Variants in TAF8 observed in about 807,000 individuals in gnomAD.
TAF8 encodes the protein TATA-box binding protein associated factor 8, also known as transcription initiation factor TFIID subunit 8.
Under a neutral mutation model 36.5 loss-of-function variants are expected in TAF8, and 47 were observed. The observed-to-expected ratio is 1.29, with a 90% CI of 1.02 to 1.64. TAF8 has a LOEUF of 1.64. Among genes scored for constraint, TAF8 ranks in the 40% most tolerant of loss-of-function variants. The pLI is 0.00. For missense variants in TAF8, 420 were observed against 407.6 expected (o/e 1.03, Z -0.26); for synonymous variants, 175 against 159.5 (o/e 1.10, Z -0.73).
chr6:42,062,529 CTT>C (rs1174119617), intron 5 of TAF8, among the ~76,000 whole-genome samples: 5 of 78,718 alleles, frequency 6.4e-5, no homozygotes, highest in East Asian at 4.4e-4. Flanking sequence ...TTAAGACAAT[CTT>C]TTTTTTTTTT....
At chr6:42,070,834 CGA>C (rs2127460825) in intron 7 of TAF8, among the ~76,000 whole-genome samples, 1 of 152,150 alleles carries the variant, frequency 6.6e-6, no homozygotes, top group African/African-American at 2.4e-5. Context: ...ATTTGGTAGA[CGA>C]GAGGGGATGG....
chr6:42,086,127 A>G (rs1766021241), downstream of TAF8, among the ~76,000 whole-genome samples: 2 of 152,216 alleles, frequency 1.3e-5, no homozygotes, highest in South Asian at 2.1e-4. Flanking sequence ...TCTGTTGTTC[A>G]TAAGCCACCC....
chr6:42,056,206 G>T, intron 4 of TAF8, 192 bp downstream of exon 4: 1 of 528,768 alleles, frequency 1.9e-6, no homozygotes, highest in East Asian at 3.4e-5. Context: ...GTCACCAAAA[G>T]GTAAACCATC....
At chr6:42,066,275 C>T (rs76136633) in intron 5 of TAF8, 37 bp from the exon 6 acceptor site, 105 of 1,608,782 alleles carry the variant, frequency 6.5e-5, no homozygotes, top group Middle Eastern at 1.7e-4. Flanking sequence ...AATGATACTT[C>T]GGCATCACCC....
chr6:42,067,136 A>G (rs1340661367), intron 6 of TAF8, among the ~76,000 whole-genome samples: 3 of 152,218 alleles, frequency 2.0e-5, no homozygotes, highest in Non-Finnish European at 4.4e-5. Context: ...CACTTCCTCA[A>G]GGAACATGGC....
At position 42,079,210 on chromosome 6, in the gene TAF8, T is replaced by G. The variant is rs188460337; in HGVS notation, c.*1665T>G. ...TTGAGGGCTGGGCCTCATCTTGTAT[T>G]CTGAAAGCTGAGAAACGGCTGGTCA... On this transcript the variant is annotated 3_prime_UTR_variant, in exon 9 of 9. Coordinates refer to ENST00000372977, the MANE Select transcript of TAF8 (RefSeq NM_138572.3). The G allele has an allele frequency of 1.8e-4, 175 of 985,510 alleles. 2 individuals are homozygous for G. In the African/African-American group the frequency reaches 2.9e-3, roughly 17 times the overall value. The allele number at this position is 985,510 out of a possible 1,614,324, so 61.0% of individuals were successfully genotyped here.
At chr6:42,064,154 A>G (rs1380786452) in intron 5 of TAF8, among the ~76,000 whole-genome samples, 5 of 152,296 alleles carry the variant, frequency 3.3e-5, no homozygotes, top group East Asian at 1.9e-4. Flanking sequence ...ATTGAGTGCC[A>G]AAAGTTGTCT....
At chr6:42,066,267 T>C (rs1182886085) in intron 5 of TAF8, 45 bp from the exon 6 acceptor site, 1 of 1,607,018 alleles carries the variant, frequency 6.2e-7, no homozygotes, top group Non-Finnish European at 8.5e-7. Context: ...GAAAGCAGAA[T>C]GATACTTCGG....
Position 42,051,395 on chromosome 6 carries a change from C to G in TAF8, c.84C>G (p.Asn28Lys). The G allele has an allele frequency of 1.2e-6, 2 of 1,614,166 alleles. No homozygotes were observed. Among genetic ancestry groups the G allele is most frequent in the African/African-American group, 1.3e-5 (1 of 75,044 alleles). The change falls in exon 2 of 9, where the codon AAC (asparagine) becomes AAG (lysine). Residue 28 changes from asparagine to lysine, a missense_variant. Asn to Lys is a moderately conservative substitution (Grantham distance 94). Transcript: ENST00000372977. Reference sequence around the variant, plus strand: ...AACAGTCCACTAACCCTGCCGATAACTATCATCTGGCCCGGAGGAGAACCC... The same window carrying G: ...AACAGTCCACTAACCCTGCCGATAAGTATCATCTGGCCCGGAGGAGAACCC... ...GSKQSTNPAD[N>K]YHLARRRTLQ... is the part of the protein sequence containing the mutation.
chr6:42,077,715 C>G lies in TAF8; in HGVS notation c.*170C>G. On this transcript the variant is annotated 3_prime_UTR_variant, in exon 9 of 9. Transcript: ENST00000372977. ...GTCTTATTAAGATGACCTATTTTCA[C>G]TGGATGTTTGGGTTGAGGAAGATAT... 1.4e-6 allele frequency: 2 copies of G among 1,466,604 alleles called. No individual in the cohort carries two copies. The highest frequency in any genetic ancestry group is 1.8e-6 in the Non-Finnish European group (2 of 1,113,140). The allele number at this position is 1,466,604 out of a possible 1,614,324, so 90.8% of individuals were successfully genotyped here.
chr6:42,080,810 T>C lies in TAF8; in HGVS notation c.*3265T>C. The C allele has an allele frequency of 1.0e-6, 1 of 980,196 alleles. No individual in the cohort carries two copies. The highest frequency in any genetic ancestry group is 1.2e-6 in the Non-Finnish European group (1 of 825,134). The allele number at this position is 980,196 out of a possible 1,614,324, so 60.7% of individuals were successfully genotyped here. A position where few individuals can be genotyped will look rare whatever the true frequency, so the allele number is the denominator to read the frequency against. On this transcript the variant is annotated 3_prime_UTR_variant, in exon 9 of 9. Coordinates refer to ENST00000372977, the MANE Select transcript of TAF8 (RefSeq NM_138572.3). ...TAAATTTCTATTTTTTATAACTTTA[T>C]GGGACTTCTTAGAGGCCAAAAGTAG...
In TAF8 at chr6:42,077,845, A is replaced by G; in HGVS notation, c.*300A>G. 1.1e-6 allele frequency: 1 copy of G among 911,322 alleles called. No individual in the cohort carries two copies. The highest frequency in any genetic ancestry group is 1.4e-6 in the Non-Finnish European group (1 of 695,906). 56.5% of individuals were successfully genotyped at this position (911,322 alleles called of 1,614,324 possible). On this transcript the variant is annotated 3_prime_UTR_variant, in exon 9 of 9. Coordinates refer to ENST00000372977, the MANE Select transcript of TAF8 (RefSeq NM_138572.3). ...ATCTCAGCTCACTGCAGTCTCAGCA[A>G]CCCTGGGTCCAAGTGATTCTCCTGC... is the stretch of plus-strand genomic sequence containing the variant.
Position 42,081,081 on chromosome 6 carries a change from C to T in TAF8, c.*3536C>T, listed in dbSNP as rs1025553824. On this transcript the variant is annotated 3_prime_UTR_variant, in exon 9 of 9. Transcript: ENST00000372977. ...AAAATATATGAACCCCTGTATATGC[C>T]TCATCAAGCTTCCACACTTGTCAGT... is the stretch of plus-strand genomic sequence containing the variant. 21 of 423,322 alleles carry T rather than the reference C, an allele frequency of 5.0e-5. 1 individual carries two copies. The highest frequency in any genetic ancestry group is 6.0e-5 in the Non-Finnish European group (19 of 317,120). 26.2% of individuals were successfully genotyped at this position (423,322 alleles called of 1,614,324 possible).
intron 2 of TAF8, among the ~76,000 whole-genome samples, chr6:42,052,547 C>T (rs1764832575): frequency 6.6e-6 from 1 of 152,128 alleles, no homozygotes; most frequent in Non-Finnish European, 1.5e-5. Flanking sequence ...GTCTTGAACT[C>T]CTGACCTCAG....
At chr6:42,074,950 C>T (rs1765694142) in intron 7 of TAF8, among the ~76,000 whole-genome samples, 2 of 151,952 alleles carry the variant, frequency 1.3e-5, no homozygotes, top group South Asian at 2.1e-4. Flanking sequence ...GGAAGCCTGC[C>T]GTCCTGCTCT....
At chr6:42,072,546 A>C (rs376991930) in intron 7 of TAF8, among the ~76,000 whole-genome samples, 1 of 152,010 alleles carries the variant, frequency 6.6e-6, no homozygotes, top group African/African-American at 2.4e-5. Context: ...TCCTGGCTGT[A>C]TCTTGGCGGT....
chr6:42,071,880 A>G (rs148341338), intron 7 of TAF8, among the ~76,000 whole-genome samples: 2 of 152,318 alleles, frequency 1.3e-5, no homozygotes, highest in Admixed American at 1.3e-4. Context: ...ACGGTCCCGT[A>G]GTGATGTGAG....
chr6:42,084,237 A>G (rs1315547234), downstream of TAF8, among the ~76,000 whole-genome samples: 2 of 150,952 alleles, frequency 1.3e-5, no homozygotes. Flanking sequence ...CTGGTAGACG[A>G]GTTTCCATTT....
In TAF8 at chr6:42,051,518, G is replaced by T; in HGVS notation, c.202+5G>T. 1.9e-6 allele frequency: 3 copies of T among 1,613,346 alleles called. No individual in the cohort carries two copies. Among genetic ancestry groups the T allele is most frequent in the Non-Finnish European group, 2.5e-6 (3 of 1,179,552 alleles). On this transcript the variant is annotated splice_donor_5th_base_variant and intron_variant, in intron 2 of 8. Transcript: ENST00000372977. Reference sequence around the variant, plus strand: ...TGACAGAGATGCTGCAGAGCTGTGAGTACATGGAAACACTTGGCCTTGGAG... The same window carrying T: ...TGACAGAGATGCTGCAGAGCTGTGATTACATGGAAACACTTGGCCTTGGAG...
Sources: gnomAD v4.1 joint callset for allele counts (sites outside exome capture counted in the v4.1 genomes callset) on GRCh38, gnomAD v4.1.1 for gene constraint, MANE v1.5 for transcripts, NCBI Gene and HGNC (gene_info 2026-07-23, HGNC 2026-07-21) for gene names.